The following TRPA1 variants were observed in gnomAD, a reference collection of about 807,000 sequenced individuals.
The protein encoded by TRPA1 is transient receptor potential cation channel subfamily A member 1.
Under a neutral mutation model 131.3 loss-of-function variants are expected in TRPA1, and 129 were observed. That is an observed-to-expected ratio of 0.98 (90% confidence interval 0.85 to 1.14). The LOEUF is 1.14. Among genes scored for constraint, TRPA1 ranks in the 50% most tolerant of loss-of-function variants. The probability of loss-of-function intolerance (pLI) is 0.00; values close to 1 mark genes in which losing one functional copy is unlikely to be tolerated. For synonymous variants in TRPA1, 441 were observed against 451.7 expected (o/e 0.98, Z 0.30); for missense variants, 1,304 against 1,354.2 (o/e 0.96, Z 0.58).
chr8:72,064,040 T>C (rs1321721459), intron 4 of TRPA1, among the ~76,000 whole-genome samples: 2 of 152,120 alleles, frequency 1.3e-5, no homozygotes, highest in Non-Finnish European at 1.5e-5. Flanking sequence ...TAAAAAGATG[T>C]TAGAAGAACT....
chr8:72,046,392 T>A lies in TRPA1; in HGVS notation c.2061+121A>T, dbSNP rs1044639337. ...TAGATAATGAGATGGCTGGGTCAAATGGTATTTCTCATATGTAACTAACCT... is the reference window on the plus strand; with the variant it reads ...TAGATAATGAGATGGCTGGGTCAAAAGGTATTTCTCATATGTAACTAACCT... On this transcript the variant is annotated intron_variant, in intron 17 of 26. Coordinates refer to ENST00000262209, the MANE Select transcript of TRPA1 (RefSeq NM_007332.3). 18 of 546,394 alleles carry A rather than the reference T, an allele frequency of 3.3e-5. No homozygotes were observed. The African/African-American group carries it at 3.3e-4, about 10-fold the overall frequency. The allele number at this position is 546,394 out of a possible 1,614,324, so 33.8% of individuals were successfully genotyped here. A position where few individuals can be genotyped will look rare whatever the true frequency, so the allele number is the denominator to read the frequency against.
intron 24 of TRPA1, among the ~76,000 whole-genome samples, chr8:72,026,915 G>GC (rs1260928717): frequency 6.6e-6 from 1 of 151,830 alleles, no homozygotes; most frequent in Non-Finnish European, 1.5e-5. Flanking sequence ...TAAAATTGTG[G>GC]CCCCCTCACT....
intron 22 of TRPA1, among the ~76,000 whole-genome samples, 167 bp downstream of exon 22, chr8:72,034,081 T>C (rs570501500): frequency 6.6e-6 from 1 of 152,202 alleles, no homozygotes; most frequent in East Asian, 1.9e-4. Flanking sequence ...ACGACTATAC[T>C]TTTTTCTGCA....
At chr8:72,060,957 T>G (rs1296850795) in intron 7 of TRPA1, among the ~76,000 whole-genome samples, 1 of 151,976 alleles carries the variant, frequency 6.6e-6, no homozygotes, top group Admixed American at 6.6e-5. Flanking sequence ...TGTGTGTGTG[T>G]GCACGTGTGT....
In TRPA1 at chr8:72,033,712, G is replaced by T; in HGVS notation, c.2800C>A (p.Pro934Thr). 1.9e-6 allele frequency: 3 copies of T among 1,614,082 alleles called. No individual in the cohort carries two copies. Among genetic ancestry groups the T allele is most frequent in the Non-Finnish European group, 2.5e-6 (3 of 1,179,980 alleles). ...EPYLRNELAHPVLSFAQLVSF... is the reference protein window; with the variant it reads ...EPYLRNELAHTVLSFAQLVSF... ...ACAAGTTGTGCAAAGGACAGAACTGGATGTGCCAATTCATTTCTCAGATAT... is the reference window on the plus strand; with the variant it reads ...ACAAGTTGTGCAAAGGACAGAACTGTATGTGCCAATTCATTTCTCAGATAT... The change falls in exon 23 of 27, where the codon CCA becomes ACA. Residue 934 changes from proline (P) to threonine (T), a missense_variant. Pro to Thr is a conservative substitution (Grantham distance 38). Coordinates refer to ENST00000262209, the MANE Select transcript of TRPA1 (RefSeq NM_007332.3).
At chr8:72,036,625 G>A (rs576011607) in intron 20 of TRPA1, among the ~76,000 whole-genome samples, 168 bp from the exon 21 acceptor site, 42 of 152,298 alleles carry the variant, frequency 2.8e-4, no homozygotes, top group Admixed American at 8.5e-4. Context: ...CAGAGTCCCC[G>A]GGGTATGAAT....
intron 1 of TRPA1, among the ~76,000 whole-genome samples, 162 bp downstream of exon 1, chr8:72,075,137 T>G (rs1806143499): frequency 6.6e-6 from 1 of 152,100 alleles, no homozygotes; most frequent in Non-Finnish European, 1.5e-5. Flanking sequence ...GCAGGCGCTG[T>G]GTGGGCGCGT....
chr8:72,071,950 A>G (rs975212890), intron 1 of TRPA1, 83 bp from the exon 2 acceptor site: 1 of 1,268,890 alleles, frequency 7.9e-7, no homozygotes, highest in African/African-American at 1.5e-5. Context: ...GAAAGAACTT[A>G]TTATTATCCA....
chr8:72,029,679 A>G, intron 24 of TRPA1: 1 of 639,200 alleles, frequency 1.6e-6, no homozygotes, highest in South Asian at 1.8e-5. Context: ...GGCTAGCAGT[A>G]TGTGGTATTC....
intron 12 of TRPA1, chr8:72,055,122 G>C (rs1805629279): frequency 3.0e-6 from 1 of 336,890 alleles, no homozygotes; most frequent in African/African-American, 2.2e-5. Flanking sequence ...GCATGATGAG[G>C]TAAAATATGA....
At chr8:72,036,849 T>C (rs1053347806) in intron 20 of TRPA1, among the ~76,000 whole-genome samples, 5 of 152,200 alleles carry the variant, frequency 3.3e-5, no homozygotes, top group African/African-American at 1.2e-4. Context: ...TAAAGTTGTT[T>C]CTAAAAAGGT....
intron 5 of TRPA1, 61 bp from the exon 6 acceptor site, chr8:72,063,005 T>C: frequency 6.7e-7 from 1 of 1,494,020 alleles, no homozygotes; most frequent in Admixed American, 1.9e-5. Flanking sequence ...GGGAGGTTTT[T>C]TGTTAAAAAA....
intron 17 of TRPA1, 30 bp downstream of exon 17, chr8:72,046,478 AGAAAC>A: frequency 7.9e-7 from 1 of 1,266,674 alleles, no homozygotes; most frequent in Non-Finnish European, 1.1e-6. Context: ...AAGAAAAAAA[AGAAAC>A]TATTTAGATA....
chr8:72,023,268 G>A (rs769393867), intron 26 of TRPA1, 152 bp from the exon 27 acceptor site: 46 of 760,786 alleles, frequency 6.0e-5, no homozygotes, highest in South Asian at 3.1e-4. Flanking sequence ...CAGGAAACAT[G>A]TATTTTTGAA....
At chr8:72,076,637 C>CT (rs1408373616), upstream of TRPA1, 1 of 152,350 alleles carries the variant, frequency 6.6e-6, no homozygotes, top group African/African-American at 2.4e-5. Flanking sequence ...GGTTTGTGGA[C>CT]TCTCTGACCT....
chr8:72,062,221 G>A (rs1017813506), intron 6 of TRPA1: 2 of 189,794 alleles, frequency 1.1e-5, no homozygotes, highest in Admixed American at 5.3e-5. Flanking sequence ...GAAGCCACAT[G>A]AGATTAATAT....
chr8:72,029,130 A>G (rs1406831456), intron 24 of TRPA1, among the ~76,000 whole-genome samples: 1 of 152,232 alleles, frequency 6.6e-6, no homozygotes, highest in Non-Finnish European at 1.5e-5. Context: ...ACCAAATTTT[A>G]CATCAAATTG....
In TRPA1 at chr8:72,047,201, A is replaced by C; in HGVS notation, c.1912T>G (p.Leu638Val). 6.2e-7 allele frequency: 1 copy of C among 1,611,122 alleles called. No individual in the cohort carries two copies. The highest frequency in any genetic ancestry group is 1.7e-4 in the Middle Eastern group (1 of 6,032). The change falls in exon 16 of 27, where the codon TTA becomes GTA. Residue 638 changes from leucine to valine, a missense_variant. Transcript: ENST00000262209. ...EYLPECMKVL[L>V]DFCMLHSTED... Reference sequence around the variant, plus strand: ...GTGGAATGCAACATGCAGAAATCTAAAAGTACCTTTGAAAGAGAAAAACCA... The same window carrying C: ...GTGGAATGCAACATGCAGAAATCTACAAGTACCTTTGAAAGAGAAAAACCA...
chr8:72,070,218 G>A (rs908926417), intron 2 of TRPA1, among the ~76,000 whole-genome samples: 4 of 152,108 alleles, frequency 2.6e-5, no homozygotes, highest in Non-Finnish European at 5.9e-5. Context: ...GACCATCTAC[G>A]GTACATGGTA....
Sources: gnomAD v4.1 joint callset for allele counts (sites outside exome capture counted in the v4.1 genomes callset) on GRCh38, gnomAD v4.1.1 for gene constraint, MANE v1.5 for transcripts, NCBI Gene and HGNC (gene_info 2026-07-23, HGNC 2026-07-21) for gene names.